The following SLC9A3 variants were observed in gnomAD, a reference collection of about 807,000 sequenced individuals.
SLC9A3 encodes the protein solute carrier family 9 member A3, also known as sodium/hydrogen exchanger 3.
Under a neutral mutation model 86.8 loss-of-function variants are expected in SLC9A3, and 37 were observed. That is an observed-to-expected ratio of 0.43 (90% CI 0.33 to 0.56). The LOEUF (loss-of-function observed/expected upper bound fraction) is 0.56. Ranked by LOEUF, SLC9A3 falls within the 20% of genes least tolerant of loss-of-function variation. The pLI is 0.06. For synonymous variants in SLC9A3, 581 were observed against 528.3 expected (o/e 1.10, Z -1.37); for missense variants, 1,011 against 1,171.9 (o/e 0.86, Z 2.00).
chr5:522,645 C>T (rs1733916457), intron 1 of SLC9A3, among the ~76,000 whole-genome samples: 1 of 151,086 alleles, frequency 6.6e-6, no homozygotes, highest in Admixed American at 6.6e-5. Context: ...GTAATCCCAG[C>T]TACTCGGGAG....
chr5:507,163 C>CTGCTTTTTTTTTTTTTTTTTTTTT (rs1553999262), intron 1 of SLC9A3, among the ~76,000 whole-genome samples: 9 of 34,736 alleles, frequency 2.6e-4, no homozygotes, highest in Admixed American at 4.1e-4. Context: ...CCGGCTGCTG[C>CTGCTTTTTTTTTTTTTTTTTTTTT]TTCTTTTTTT....
chr5:523,872 G>T (rs1327033652), intron 1 of SLC9A3, among the ~76,000 whole-genome samples: 1 of 152,170 alleles, frequency 6.6e-6, no homozygotes, highest in Non-Finnish European at 1.5e-5. Flanking sequence ...CGGGAGCCGG[G>T]AGTCCGGGGC....
intron 1 of SLC9A3, among the ~76,000 whole-genome samples, chr5:495,277 C>G (rs112426751): frequency 2.6e-5 from 4 of 152,028 alleles, no homozygotes; most frequent in African/African-American, 9.6e-5. Context: ...TGAAGCCACC[C>G]CAGACAACCG....
intron 1 of SLC9A3, among the ~76,000 whole-genome samples, chr5:507,325 G>A (rs1369335410): frequency 2.3e-5 from 3 of 131,940 alleles, no homozygotes; most frequent in South Asian, 2.5e-4. Context: ...CCGCCACCAC[G>A]CCCAGCTAAT....
chr5:509,142 A>G (rs538433868), intron 1 of SLC9A3, among the ~76,000 whole-genome samples: 3 of 151,648 alleles, frequency 2.0e-5, no homozygotes, highest in African/African-American at 4.8e-5. Context: ...AGATAGAGAA[A>G]AAAAGACACA....
intron 1 of SLC9A3, among the ~76,000 whole-genome samples, chr5:521,656 A>C (rs1193894786): frequency 6.6e-6 from 1 of 152,224 alleles, no homozygotes; most frequent in East Asian, 1.9e-4. Flanking sequence ...TAGTAGGTTC[A>C]GACCCCAGTC....
chr5:522,329 C>T (rs1310067191), intron 1 of SLC9A3, among the ~76,000 whole-genome samples: 1 of 152,228 alleles, frequency 6.6e-6, no homozygotes, highest in Non-Finnish European at 1.5e-5. Flanking sequence ...CCAGGCAAAG[C>T]CCTGGTCAGT....
At chr5:509,404 A>G (rs1368824268) in intron 1 of SLC9A3, among the ~76,000 whole-genome samples, 1 of 149,100 alleles carries the variant, frequency 6.7e-6, no homozygotes, top group Non-Finnish European at 1.5e-5. Context: ...CAGTGAGCTG[A>G]GCTCATGCCA....
At chr5:518,314 GAGA>G in intron 1 of SLC9A3, among the ~76,000 whole-genome samples, 1 of 152,084 alleles carries the variant, frequency 6.6e-6, no homozygotes. Flanking sequence ...CTGGTACCCT[GAGA>G]CCTGGCACCC....
At chr5:512,139 T>G (rs1338519248) in intron 1 of SLC9A3, among the ~76,000 whole-genome samples, 2 of 152,168 alleles carry the variant, frequency 1.3e-5, no homozygotes, top group Non-Finnish European at 2.9e-5. Context: ...CACAGAAGAT[T>G]TTTAGGGCAG....
chr5:501,396 C>G (rs866615245), intron 1 of SLC9A3, among the ~76,000 whole-genome samples: 2 of 152,320 alleles, frequency 1.3e-5, no homozygotes, highest in Non-Finnish European at 1.5e-5. Context: ...GAACACGTCC[C>G]GGAGGATTAA....
Position 488,392 on chromosome 5 carries a change from A to G in SLC9A3, c.599T>C (p.Phe200Ser). 6.2e-7 allele frequency: 1 copy of G among 1,611,984 alleles called. No homozygotes were observed. Among genetic ancestry groups the G allele is most frequent in the South Asian group, 1.1e-5 (1 of 91,062 alleles). The change falls in exon 3 of 17, where the codon TTT becomes TCT. Residue 200 changes from phenylalanine to serine, a missense_variant. Coordinates refer to ENST00000264938, the MANE Select transcript of SLC9A3 (RefSeq NM_004174.4). Reference protein sequence around the residue: ...AVDPVAVLAVFEEVHVNEVLF... With the variant: ...AVDPVAVLAVSEEVHVNEVLF... ...GACCTCGTTGACATGGACCTCCTCA[A>G]ACACGGCCAGGACGGCCACCGGGTC...
At chr5:479,417 C>T (rs1054625104) in intron 10 of SLC9A3, 24 of 198,318 alleles carry the variant, frequency 1.2e-4, no homozygotes, top group Admixed American at 8.6e-4. Context: ...GAGCCATGGC[C>T]GGCCCACAGC....
chr5:507,622 C>A (rs1203054498), intron 1 of SLC9A3, among the ~76,000 whole-genome samples: 1 of 150,832 alleles, frequency 6.6e-6, no homozygotes, highest in East Asian at 1.9e-4. Flanking sequence ...CCAATCCCTG[C>A]CCCACAGACG....
At chr5:511,705 C>G (rs775348309) in intron 1 of SLC9A3, among the ~76,000 whole-genome samples, 1 of 152,258 alleles carries the variant, frequency 6.6e-6, no homozygotes, top group African/African-American at 2.4e-5. Flanking sequence ...CAGGGTGGCG[C>G]GGCCACTTGG....
chr5:503,702 G>C (rs1410618582), intron 1 of SLC9A3, among the ~76,000 whole-genome samples: 2 of 152,236 alleles, frequency 1.3e-5, no homozygotes, highest in Admixed American at 6.5e-5. Flanking sequence ...CTGCCTGTGG[G>C]CACGGCACAG....
rs1025394648 is a variant in SLC9A3 at position 491,636 on chromosome 5, A to T, written c.514+133T>A. The T allele has an allele frequency of 8.9e-6, 7 of 785,374 alleles. No individual in the cohort carries two copies. The Admixed American group carries it at 2.1e-4, about 23-fold the overall frequency. The allele number at this position is 785,374 out of a possible 1,614,324, so 48.7% of individuals were successfully genotyped here. ...GGTCACGAGGGCCTACGGGGCTGCC[A>T]GCCACGTTTCTCACCTGACACTTAC... On this transcript the variant is annotated intron_variant, in intron 2 of 16. Coordinates refer to ENST00000264938, the MANE Select transcript of SLC9A3 (RefSeq NM_004174.4). The surrounding 1 kb of genome is among the most constrained non-coding windows in gnomAD (Gnocchi z 9.2).
At position 472,579 on chromosome 5, in the gene SLC9A3, C is replaced by A. The variant is rs1007331871; in HGVS notation, c.*800G>T. The A allele has an allele frequency of 2.8e-6, 1 of 360,510 alleles. No individual in the cohort carries two copies. Among genetic ancestry groups the A allele is most frequent in the Non-Finnish European group, 5.6e-6 (1 of 180,004 alleles). The allele number at this position is 360,510 out of a possible 1,614,324, so 22.3% of individuals were successfully genotyped here. A position where few individuals can be genotyped will look rare whatever the true frequency, so the allele number is the denominator to read the frequency against. The stretch of plus-strand genomic sequence containing the variant: ...GGGGCCGCCACCCTGAGACCGGGCG[C>A]GGGCAGGACGGAACCTGGGGGGGAA... On this transcript the variant is annotated 3_prime_UTR_variant, in exon 17 of 17. Transcript: ENST00000264938.
chr5:475,201 G>A (rs1433621670), intron 15 of SLC9A3, 69 bp from the exon 16 acceptor site: 5 of 1,477,238 alleles, frequency 3.4e-6, no homozygotes, highest in South Asian at 1.3e-5. Flanking sequence ...CCTCGCCGGG[G>A]CCGTCACCTG....
Sources: gnomAD v4.1 joint callset for allele counts (sites outside exome capture counted in the v4.1 genomes callset) on GRCh38, gnomAD v4.1.1 for gene constraint, Gnocchi (gnomAD v3.1) non-coding constraint, MANE v1.5 for transcripts, NCBI Gene and HGNC (gene_info 2026-07-23, HGNC 2026-07-21) for gene names.